The following CDYL2 variants were observed in gnomAD, a reference collection of about 807,000 sequenced individuals.
The protein encoded by CDYL2 is chromodomain Y-like protein 2.
CDYL2 carries 23 observed loss-of-function variants against 49.4 expected under a neutral mutation model. That is an observed-to-expected ratio of 0.47 (90% CI 0.34 to 0.66). The LOEUF (loss-of-function observed/expected upper bound fraction) is 0.66, where lower values mean the gene tolerates loss of function less well. Among genes scored for constraint, CDYL2 ranks in the 30% least tolerant of loss-of-function variants. The pLI, the probability that CDYL2 is intolerant of heterozygous loss-of-function variation, is 0.01. For missense variants in CDYL2, 678 were observed against 656.4 expected (o/e 1.03, Z -0.36); for synonymous variants, 360 against 268.8 (o/e 1.34, Z -3.32).
At chr16:80,693,867 G>A (rs1371954360) in intron 1 of CDYL2, among the ~76,000 whole-genome samples, 1 of 152,174 alleles carries the variant, frequency 6.6e-6, no homozygotes, top group East Asian at 1.9e-4. Context: ...AGGCTCCCAG[G>A]ATGGAATGCA....
chr16:80,612,887 C>T lies in CDYL2; in HGVS notation c.1008-51G>A. 6.7e-7 allele frequency: 1 copy of T among 1,487,780 alleles called. No individual in the cohort carries two copies. Among genetic ancestry groups the T allele is most frequent in the South Asian group, 1.3e-5 (1 of 75,260 alleles). The allele number at this position is 1,487,780 out of a possible 1,614,324, so 92.2% of individuals were successfully genotyped here. On this transcript the variant is annotated intron_variant, in intron 4 of 6. Transcript: ENST00000570137. The surrounding 1 kb of genome is among the most constrained non-coding windows in gnomAD (Gnocchi z 5.0). The stretch of plus-strand genomic sequence containing the variant: ...AACAGGTGACTATAGCATGCTAAGC[C>T]CCACTGGAACCCTTGACTCTCCCAG...
intron 3 of CDYL2, among the ~76,000 whole-genome samples, chr16:80,624,472 G>A (rs144980202): frequency 1.3e-5 from 2 of 152,290 alleles, no homozygotes; most frequent in East Asian, 1.9e-4. Flanking sequence ...TATCCCTGAG[G>A]TGTCTGATGG....
intron 4 of CDYL2, among the ~76,000 whole-genome samples, chr16:80,620,456 T>C (rs1907029297): frequency 6.6e-6 from 1 of 152,156 alleles, no homozygotes; most frequent in South Asian, 2.1e-4. Flanking sequence ...CAGGCCTTGA[T>C]AGCAAATAAA....
chr16:80,678,184 T>G (rs925543530), intron 2 of CDYL2, among the ~76,000 whole-genome samples: 1 of 152,204 alleles, frequency 6.6e-6, no homozygotes, highest in African/African-American at 2.4e-5. Flanking sequence ...GCATTACTAT[T>G]CAGGACATAG....
At chr16:80,643,639 T>G (rs761000433) in intron 2 of CDYL2, among the ~76,000 whole-genome samples, 1 of 152,254 alleles carries the variant, frequency 6.6e-6, no homozygotes, top group African/African-American at 2.4e-5. Flanking sequence ...TCTTGACTTC[T>G]GGGCACTCAT....
At chr16:80,792,990 A>C (rs1907657727) in intron 1 of CDYL2, among the ~76,000 whole-genome samples, 1 of 152,132 alleles carries the variant, frequency 6.6e-6, no homozygotes, top group Non-Finnish European at 1.5e-5. Context: ...ATCAGCTGAG[A>C]TCTTAGTTGT....
intron 1 of CDYL2, among the ~76,000 whole-genome samples, chr16:80,687,612 G>A (rs1247608245): frequency 1.3e-5 from 2 of 152,094 alleles, no homozygotes; most frequent in African/African-American, 2.4e-5. Flanking sequence ...TGAAAAGGTG[G>A]GGACAGAAGT....
At chr16:80,609,217 G>A (rs920425644) in intron 5 of CDYL2, among the ~76,000 whole-genome samples, 8 of 152,342 alleles carry the variant, frequency 5.3e-5, no homozygotes, top group African/African-American at 1.9e-4. Context: ...TGATAGTAAT[G>A]AGCTGCAACT....
chr16:80,657,987 A>G (rs1185677566), intron 2 of CDYL2, among the ~76,000 whole-genome samples: 1 of 152,150 alleles, frequency 6.6e-6, no homozygotes, highest in Non-Finnish European at 1.5e-5. Flanking sequence ...AGCTATCTCT[A>G]TGAATATGGA....
At chr16:80,687,460 G>A (rs138281740) in intron 1 of CDYL2, among the ~76,000 whole-genome samples, 3 of 152,178 alleles carry the variant, frequency 2.0e-5, no homozygotes, top group African/African-American at 7.2e-5. Context: ...GTGACTAGAT[G>A]TATAAATAAA....
At chr16:80,672,352 C>CAGAGAGAGAG (rs1555528924) in intron 2 of CDYL2, among the ~76,000 whole-genome samples, 4 of 117,768 alleles carry the variant, frequency 3.4e-5, no homozygotes, top group African/African-American at 6.3e-5. Flanking sequence ...CACACACACA[C>CAGAGAGAGAG]AGAGAGAGAG....
chr16:80,796,107 G>A (rs1597137832), intron 1 of CDYL2, among the ~76,000 whole-genome samples: 2 of 152,252 alleles, frequency 1.3e-5, no homozygotes, highest in African/African-American at 4.8e-5. Context: ...TTGTGGGGCT[G>A]GCTAGTCAAG....
At chr16:80,642,104 T>C (rs1442949899) in intron 2 of CDYL2, among the ~76,000 whole-genome samples, 1 of 152,066 alleles carries the variant, frequency 6.6e-6, no homozygotes, top group Non-Finnish European at 1.5e-5. Context: ...AAGATATAAA[T>C]AGAAACAGAA....
chr16:80,664,416 C>T (rs1597157187), intron 2 of CDYL2, among the ~76,000 whole-genome samples: 1 of 152,302 alleles, frequency 6.6e-6, no homozygotes. Context: ...CCCAGGGCTC[C>T]GGTGTCCTGG....
At chr16:80,667,933 CACT>C (rs1909336498) in intron 2 of CDYL2, among the ~76,000 whole-genome samples, 1 of 152,220 alleles carries the variant, frequency 6.6e-6, no homozygotes, top group South Asian at 2.1e-4. Flanking sequence ...GACTCGCCAC[CACT>C]GTTTCCACAG....
intron 2 of CDYL2, among the ~76,000 whole-genome samples, chr16:80,634,147 G>A (rs1907706115): frequency 6.6e-6 from 1 of 151,784 alleles, no homozygotes; most frequent in East Asian, 1.9e-4. Flanking sequence ...ATGAAAGAGG[G>A]GGCATCACTA....
chr16:80,736,164 G>C (rs1471333934), intron 1 of CDYL2, among the ~76,000 whole-genome samples: 1 of 152,234 alleles, frequency 6.6e-6, no homozygotes, highest in African/African-American at 2.4e-5. Flanking sequence ...TTGTTCATCA[G>C]CTCCTGAACC....
chr16:80,728,018 C>G (rs1483465429), intron 1 of CDYL2, among the ~76,000 whole-genome samples: 1 of 152,154 alleles, frequency 6.6e-6, no homozygotes, highest in African/African-American at 2.4e-5. Flanking sequence ...AGCAGAAAAA[C>G]TGGAAACTCT....
At position 80,804,132 on chromosome 16, in the gene CDYL2, G is replaced by GC; in HGVS notation, c.24+17dup. 1 of 1,170,578 alleles carries GC rather than the reference G, an allele frequency of 8.5e-7. No homozygotes were observed. The highest frequency in any genetic ancestry group is 1.9e-5 in the South Asian group (1 of 52,682). 72.5% of individuals were successfully genotyped at this position (1,170,578 alleles called of 1,614,324 possible). A position where few individuals can be genotyped will look rare whatever the true frequency, so the allele number is the denominator to read the frequency against. Reference sequence around the variant, plus strand: ...CGCCCGCTGACTGGGGCCGGCCCGCGCCCCCGCGTCCCCGTACCTCGTAAA... The same window carrying GC: ...CGCCCGCTGACTGGGGCCGGCCCGCGCCCCCCGCGTCCCCGTACCTCGTAAA... On this transcript the variant is annotated intron_variant, in intron 1 of 6. Coordinates refer to ENST00000570137, the MANE Select transcript of CDYL2 (RefSeq NM_152342.4).
Sources: allele counts gnomAD v4.1 joint callset (sites outside exome capture counted in the v4.1 genomes callset), GRCh38; gene constraint gnomAD v4.1.1; non-coding constraint Gnocchi (gnomAD v3.1); transcripts MANE v1.5; gene names NCBI Gene and HGNC (gene_info 2026-07-23, HGNC 2026-07-21).